The following HDAC4 variants were observed in gnomAD, a reference collection of about 807,000 sequenced individuals.
HDAC4 encodes the protein histone deacetylase 4.
HDAC4 carries 16 observed loss-of-function variants against 135.1 expected under a neutral mutation model. The observed-to-expected ratio is 0.12, with a 90% CI of 0.08 to 0.18. HDAC4 has a LOEUF of 0.18. Ranked by LOEUF, HDAC4 falls within the 10% of genes least tolerant of loss-of-function variation. The probability of loss-of-function intolerance (pLI) is 1.00; values close to 1 mark genes in which losing one functional copy is unlikely to be tolerated. For synonymous variants in HDAC4, 685 were observed against 653.4 expected (o/e 1.05, Z -0.74); for missense variants, 1,143 against 1,511.8 (o/e 0.76, Z 4.05).
chr2:239,310,061 T>A (rs1227066045), intron 2 of HDAC4, among the ~76,000 whole-genome samples: 1 of 152,166 alleles, frequency 6.6e-6, no homozygotes, highest in Non-Finnish European at 1.5e-5. Flanking sequence ...GGGAACCCAC[T>A]AAGGGGCTCT....
chr2:239,193,465 G>A (rs1001007293), intron 3 of HDAC4, among the ~76,000 whole-genome samples: 2 of 152,268 alleles, frequency 1.3e-5, no homozygotes, highest in Admixed American at 6.5e-5. Flanking sequence ...CAGGGCAGCC[G>A]CTGGGGCGCC....
intron 2 of HDAC4, among the ~76,000 whole-genome samples, chr2:239,281,183 T>TACACA (rs1212787023): frequency 1.2e-5 from 1 of 86,230 alleles, no homozygotes; most frequent in Non-Finnish European, 2.5e-5. Context: ...CACACCACTC[T>TACACA]CAATGTACAC....
In HDAC4 at chr2:239,313,313, C is replaced by T. The variant is rs2052974854; in HGVS notation, c.22+39365G>A. Among the ~76,000 whole-genome samples the T allele has an allele frequency of 6.6e-6, 1 of 152,218 alleles. No individual in the cohort carries two copies. Among genetic ancestry groups the T allele is most frequent in the Non-Finnish European group, 1.5e-5 (1 of 68,036 alleles). On this transcript the variant is annotated intron_variant, in intron 2 of 26. Coordinates refer to ENST00000543185, the MANE Select transcript of HDAC4 (RefSeq NM_001378414.1). The surrounding 1 kb of genome is among the most constrained non-coding windows in gnomAD (Gnocchi z 5.1). ...TGCGCTGATGTAAATGTCCCTGCAG[C>T]AGCCAGGGACTAATTTTAGAAGGGG...
At chr2:239,302,280 T>C (rs2052312263) in intron 2 of HDAC4, among the ~76,000 whole-genome samples, 1 of 152,110 alleles carries the variant, frequency 6.6e-6, no homozygotes. Flanking sequence ...AAAGGAGGCA[T>C]CAAGCTGAAG....
In HDAC4 at chr2:239,160,284, C is replaced by T. The variant is rs573882573; in HGVS notation, c.612-3511G>A. ...AATAAGACACCGTAGGTCCTTTCTT[C>T]AGACCAAGTGTCTGAAATTCCATGC... On this transcript the variant is annotated intron_variant, in intron 6 of 26. Transcript: ENST00000543185. Among the ~76,000 whole-genome samples the T allele has an allele frequency of 1.2e-4, 18 of 152,368 alleles. No homozygotes were observed. The South Asian group carries it at 3.7e-3, about 32-fold the overall frequency.
At chr2:239,062,644 T>C (rs895077319) in intron 24 of HDAC4, among the ~76,000 whole-genome samples, 4 of 152,226 alleles carry the variant, frequency 2.6e-5, no homozygotes, top group Non-Finnish European at 4.4e-5. Context: ...TGGTAGAATA[T>C]ATACGTCAGT....
intron 22 of HDAC4, among the ~76,000 whole-genome samples, chr2:239,078,751 G>T (rs181244776): frequency 4.6e-5 from 7 of 152,300 alleles, no homozygotes; most frequent in Non-Finnish European, 8.8e-5. Context: ...GCTGCTTTGG[G>T]CCTGGGCTTG....
Position 239,197,847 on chromosome 2 carries a change from TTG to T in HDAC4, c.95-7772_95-7771del, listed in dbSNP as rs368801140. ...ATAGTAATGATAGCTCACTAAAAGT[TTG>T]TGTGTGTGTGTGTGTGTGTGTGTGT... On this transcript the variant is annotated intron_variant, in intron 3 of 26. Transcript: ENST00000543185. Among the ~76,000 whole-genome samples, 880 of 140,184 alleles carry T rather than the reference TTG, an allele frequency of 6.3e-3. 2 individuals are homozygous for T. Among genetic ancestry groups the T allele is most frequent in the African/African-American group, 0.017 (621 of 37,016 alleles). 92.0% of individuals were successfully genotyped at this position (140,184 alleles called of 152,430 possible).
In HDAC4 at chr2:239,313,708, T is replaced by C. The variant is rs1239072010; in HGVS notation, c.22+38970A>G. Among the ~76,000 whole-genome samples, 1 of 152,154 alleles carries C rather than the reference T, an allele frequency of 6.6e-6. No individual in the cohort carries two copies. Among genetic ancestry groups the C allele is most frequent in the Non-Finnish European group, 1.5e-5 (1 of 68,028 alleles). ...ACAGCACTGGTGACAGAAAGGAAGA[T>C]TCAGAAAAGCCTTCACGCCTGGCAA... On this transcript the variant is annotated intron_variant, in intron 2 of 26. Coordinates refer to ENST00000543185, the MANE Select transcript of HDAC4 (RefSeq NM_001378414.1). The surrounding 1 kb of genome is among the most constrained non-coding windows in gnomAD (Gnocchi z 5.1).
At chr2:239,300,489 G>A (rs1048065483) in intron 2 of HDAC4, among the ~76,000 whole-genome samples, 9 of 152,302 alleles carry the variant, frequency 5.9e-5, no homozygotes, top group South Asian at 2.1e-4. Flanking sequence ...TTCCGCCATC[G>A]CAGAAAGTCC....
intron 4 of HDAC4, among the ~76,000 whole-genome samples, chr2:239,179,824 TG>T (rs2153010918): frequency 6.6e-6 from 1 of 152,220 alleles, no homozygotes; most frequent in African/African-American, 2.4e-5. Flanking sequence ...GTGCTCAGGG[TG>T]GGAGGCGGCA....
intron 5 of HDAC4, among the ~76,000 whole-genome samples, chr2:239,168,964 G>A (rs944682776): frequency 1.3e-5 from 2 of 152,192 alleles, no homozygotes; most frequent in African/African-American, 4.8e-5. Flanking sequence ...AAGGGTGGAC[G>A]GCGCTTCGGA....
chr2:239,114,929 G>A (rs1407576651), intron 13 of HDAC4, 124 bp downstream of exon 13: 26 of 1,159,868 alleles, frequency 2.2e-5, no homozygotes, highest in African/African-American at 6.1e-5. Context: ...AGACAGGTGA[G>A]ACACTGGACA....
chr2:239,317,264 G>A (rs908211848), intron 2 of HDAC4, among the ~76,000 whole-genome samples: 1 of 152,102 alleles, frequency 6.6e-6, no homozygotes, highest in Non-Finnish European at 1.5e-5. Flanking sequence ...CCAGCCGGTG[G>A]CCTTTGTGAG....
At chr2:239,374,180 G>C (rs1694826892) in intron 1 of HDAC4, among the ~76,000 whole-genome samples, 1 of 152,098 alleles carries the variant, frequency 6.6e-6, no homozygotes, top group Non-Finnish European at 1.5e-5. Flanking sequence ...CCGGTGAACA[G>C]CAGAACAAAA....
In HDAC4 at chr2:239,351,992, G is replaced by A. The variant is rs1048346721; in HGVS notation, c.22+686C>T. Among the ~76,000 whole-genome samples, 39 of 152,120 alleles carry A rather than the reference G, an allele frequency of 2.6e-4. 1 individual carries two copies. Among genetic ancestry groups the A allele is most frequent in the Non-Finnish European group, 4.4e-5 (3 of 68,026 alleles). The stretch of plus-strand genomic sequence containing the variant: ...GCCTCGAGGTTTCATTATGGTGCAC[G>A]CTCTCGGTGACTTTCCAAGGACAGA... On this transcript the variant is annotated intron_variant, in intron 2 of 26. Coordinates refer to ENST00000543185, the MANE Select transcript of HDAC4 (RefSeq NM_001378414.1).
Position 239,352,781 on chromosome 2 carries a change from T to C in HDAC4, c.-82A>G, listed in dbSNP as rs1693249949. The C allele has an allele frequency of 3.0e-6, 4 of 1,319,424 alleles. No individual in the cohort carries two copies. In the Admixed American group the frequency reaches 5.9e-5, roughly 20 times the overall value. The allele number at this position is 1,319,424 out of a possible 1,614,324, so 81.7% of individuals were successfully genotyped here. A position where few individuals can be genotyped will look rare whatever the true frequency, so the allele number is the denominator to read the frequency against. On this transcript the variant is annotated 5_prime_UTR_variant, in exon 2 of 27. Coordinates refer to ENST00000543185, the MANE Select transcript of HDAC4 (RefSeq NM_001378414.1). This position sits in a 1 kb window ranked among gnomAD's most constrained non-coding sequence, Gnocchi z 4.4. Reference sequence around the variant, plus strand: ...ACGATAGCTCCAACGAGCTCCAAACTCCCACCAACACATACAAGTACCGGG... The same window carrying C: ...ACGATAGCTCCAACGAGCTCCAAACCCCCACCAACACATACAAGTACCGGG...
At chr2:239,320,101 G>A (rs1158808878) in intron 2 of HDAC4, among the ~76,000 whole-genome samples, 1 of 151,922 alleles carries the variant, frequency 6.6e-6, no homozygotes, top group East Asian at 1.9e-4. Context: ...TGACTAAGCG[G>A]GCTGAGAAAG....
intron 4 of HDAC4, among the ~76,000 whole-genome samples, chr2:239,187,385 C>T (rs1177456178): frequency 1.3e-5 from 2 of 152,240 alleles, no homozygotes; most frequent in Admixed American, 1.3e-4. Context: ...GAATGTGAGC[C>T]TATGGCGCAA....
Sources: allele counts gnomAD v4.1 joint callset (sites outside exome capture counted in the v4.1 genomes callset), GRCh38; gene constraint gnomAD v4.1.1; non-coding constraint Gnocchi (gnomAD v3.1); transcripts MANE v1.5; gene names NCBI Gene and HGNC (gene_info 2026-07-23, HGNC 2026-07-21).